TRPM3: variants seen among roughly 807,000 people sequenced by gnomAD.
TRPM3 encodes transient receptor potential cation channel subfamily M member 3.
A neutral mutation model predicts 181.2 loss-of-function variants in TRPM3; 77 were observed. The observed-to-expected ratio is 0.42, with a 90% confidence interval of 0.35 to 0.51. The LOEUF is 0.51. Ranked by LOEUF, TRPM3 falls within the 20% of genes least tolerant of loss-of-function variation. TRPM3 has a pLI of 0.01. For synonymous variants in TRPM3, 745 were observed against 796.4 expected (o/e 0.94, Z 1.09); for missense variants, 1,759 against 2,196.7 (o/e 0.80, Z 3.98).
At chr9:70,745,090 A>G (rs2074910746) in intron 8 of TRPM3, among the ~76,000 whole-genome samples, 1 of 152,192 alleles carries the variant, frequency 6.6e-6, no homozygotes, top group African/African-American at 2.4e-5. Context: ...TATAGACATC[A>G]TCATCACCAT....
At chr9:71,344,143 C>T (rs1185634324) in intron 1 of TRPM3, among the ~76,000 whole-genome samples, 1 of 151,786 alleles carries the variant, frequency 6.6e-6, no homozygotes, top group Non-Finnish European at 1.5e-5. Flanking sequence ...CATTTTAAAC[C>T]ACCACAGAAA....
chr9:71,114,968 TAAAA>T (rs1460483003), intron 1 of TRPM3, among the ~76,000 whole-genome samples: 1 of 151,874 alleles, frequency 6.6e-6, no homozygotes, highest in Non-Finnish European at 1.5e-5. Context: ...AAACAGAAAA[TAAAA>T]AGAAATAGGG....
chr9:70,698,136 AGACGGAGG>A (rs2071181142), intron 8 of TRPM3, among the ~76,000 whole-genome samples: 1 of 150,768 alleles, frequency 6.6e-6, no homozygotes, highest in African/African-American at 2.4e-5. Flanking sequence ...TGAACCCGGG[AGACGGAGG>A]TTGCAGTGAG....
chr9:71,257,614 T>C (rs1456466510), intron 1 of TRPM3, among the ~76,000 whole-genome samples: 1 of 152,202 alleles, frequency 6.6e-6, no homozygotes, highest in Non-Finnish European at 1.5e-5. Flanking sequence ...CACATTTATA[T>C]CTACAACTTA....
chr9:71,277,130 A>AT (rs75458739), intron 1 of TRPM3, among the ~76,000 whole-genome samples: 36,110 of 151,912 alleles, frequency 0.24, 4,621 homozygotes, highest in East Asian at 0.36. Context: ...AAAAAAGCTT[A>AT]TTTTTTTTAA....
At chr9:71,272,734 A>G (rs2083897179) in intron 1 of TRPM3, among the ~76,000 whole-genome samples, 1 of 137,696 alleles carries the variant, frequency 7.3e-6, no homozygotes, top group African/African-American at 2.6e-5. Flanking sequence ...TTGTATGATC[A>G]TATATTTTTT....
At chr9:70,769,559 A>G (rs1319590810) in intron 7 of TRPM3, among the ~76,000 whole-genome samples, 1 of 152,108 alleles carries the variant, frequency 6.6e-6, no homozygotes, top group Admixed American at 6.6e-5. Flanking sequence ...ACTTGATTTA[A>G]TCATCCCACA....
chr9:71,442,040 T>G (rs1453372416), intron 1 of TRPM3, among the ~76,000 whole-genome samples: 1 of 152,194 alleles, frequency 6.6e-6, no homozygotes, highest in Non-Finnish European at 1.5e-5. Context: ...ATGGTAGGTT[T>G]GTTTGTGGAT....
At chr9:70,862,217 A>G (rs755435438) in intron 3 of TRPM3, among the ~76,000 whole-genome samples, 4 of 152,276 alleles carry the variant, frequency 2.6e-5, no homozygotes, top group Non-Finnish European at 5.9e-5. Flanking sequence ...TAGAATTTTC[A>G]TAACACATGC....
At chr9:70,919,165 ATCT>A (rs1443689951) in intron 1 of TRPM3, among the ~76,000 whole-genome samples, 6 of 152,178 alleles carry the variant, frequency 3.9e-5, no homozygotes, top group Non-Finnish European at 8.8e-5. Flanking sequence ...TCAGTAAAAA[ATCT>A]TCTATTAGAT....
rs544618873 is a variant in TRPM3 at position 71,354,692 on chromosome 9, C to T, written c.183+91961G>A. ...TTAAATCTTGAGACATCCCTGCCAC[C>T]GAAATGTCTTATTCTACTTATTTCT... On this transcript the variant is annotated intron_variant, in intron 1 of 24. Transcript: ENST00000357533. Among the ~76,000 whole-genome samples, 11 of 152,252 alleles carry T rather than the reference C, an allele frequency of 7.2e-5. 1 individual carries two copies. The South Asian group carries it at 1.5e-3, about 20-fold the overall frequency.
chr9:71,416,788 A>G (rs1203835583), intron 1 of TRPM3, among the ~76,000 whole-genome samples: 1 of 151,952 alleles, frequency 6.6e-6, no homozygotes, highest in Non-Finnish European at 1.5e-5. Flanking sequence ...ACCATAAGAT[A>G]CAGAAAGTTT....
At chr9:70,842,356 A>G (rs1166989518) in intron 5 of TRPM3, among the ~76,000 whole-genome samples, 1 of 152,142 alleles carries the variant, frequency 6.6e-6, no homozygotes, top group Non-Finnish European at 1.5e-5. Context: ...CCCTATGATG[A>G]CATTTATTTT....
intron 1 of TRPM3, among the ~76,000 whole-genome samples, chr9:71,167,331 G>A (rs190240160): frequency 1.3e-5 from 2 of 152,234 alleles, no homozygotes; most frequent in Admixed American, 1.3e-4. Flanking sequence ...TGAAGACACT[G>A]TTATCTTTTA....
chr9:70,911,786 T>A (rs1163637160), intron 1 of TRPM3, among the ~76,000 whole-genome samples: 1 of 152,230 alleles, frequency 6.6e-6, no homozygotes, highest in East Asian at 1.9e-4. Context: ...CCAATACAAC[T>A]GCTTTAGTTC....
intron 18 of TRPM3, among the ~76,000 whole-genome samples, chr9:70,611,219 T>TACTC (rs1589289253): frequency 6.6e-6 from 1 of 151,688 alleles, no homozygotes; most frequent in South Asian, 2.1e-4. Flanking sequence ...AGGTTGTGAA[T>TACTC]ACTCAAGAGG....
chr9:70,533,589 C>T lies in TRPM3; in HGVS notation c.*2364G>A, dbSNP rs2041186080. The T allele has an allele frequency of 6.6e-6, 1 of 151,774 alleles. No homozygotes were observed. The highest frequency in any genetic ancestry group is 2.4e-5 in the African/African-American group (1 of 41,218). The allele number at this position is 151,774 out of a possible 1,614,324, so 9.4% of individuals were successfully genotyped here. On this transcript the variant is annotated 3_prime_UTR_variant, in exon 26 of 26. Coordinates refer to ENST00000677713, the MANE Select transcript of TRPM3 (RefSeq NM_001366145.2). ...TTATATTGCAACTTTGCATTATGTA[C>T]ATTTTTTTTTTCTTTCTGGAGAGAG...
chr9:70,607,222 A>C (rs1256023005), intron 19 of TRPM3, among the ~76,000 whole-genome samples: 1 of 152,206 alleles, frequency 6.6e-6, no homozygotes, highest in Non-Finnish European at 1.5e-5. Context: ...TACCTTTCAG[A>C]AACTTGGGAG....
At chr9:70,699,769 G>C (rs1206528128) in intron 8 of TRPM3, among the ~76,000 whole-genome samples, 1 of 152,152 alleles carries the variant, frequency 6.6e-6, no homozygotes, top group Non-Finnish European at 1.5e-5. Context: ...CCCAGCTTCA[G>C]GGAAGCTGCA....
Sources: allele counts gnomAD v4.1 joint callset (sites outside exome capture counted in the v4.1 genomes callset), GRCh38; gene constraint gnomAD v4.1.1; transcripts MANE v1.5; gene names NCBI Gene and HGNC (gene_info 2026-07-23, HGNC 2026-07-21).